Variants in PDE1C observed in about 807,000 individuals in gnomAD.
The protein encoded by PDE1C is phosphodiesterase 1C, also known as dual specificity calcium/calmodulin-dependent 3',5'-cyclic nucleotide phosphodiesterase 1C.
In PDE1C, 62 loss-of-function variants were observed where a neutral mutation model predicts 93.1. That is an observed-to-expected ratio of 0.67 (90% CI 0.54 to 0.82). The LOEUF (loss-of-function observed/expected upper bound fraction) is 0.82, where lower values mean the gene tolerates loss of function less well. PDE1C is among the 40% of genes least tolerant of loss of function. The probability of loss-of-function intolerance (pLI) is 0.00; values close to 1 mark genes in which losing one functional copy is unlikely to be tolerated. For synonymous variants in PDE1C, 325 were observed against 310.1 expected (o/e 1.05, Z -0.50); for missense variants, 742 against 884.6 (o/e 0.84, Z 2.04).
Position 32,358,146 on chromosome 7 carries a change from G to A in PDE1C, c.310+69676C>T, listed in dbSNP as rs117924631. Among the ~76,000 whole-genome samples the A allele has an allele frequency of 1.0e-3, 152 of 152,130 alleles. 4 individuals are homozygous for A. In the East Asian group the frequency reaches 0.025, roughly 25 times the overall value. ...TCTGTTTTCCTCCTCCCCTTCCCAC[G>A]CAGTGTCTGTCAAAATCTGTTCATT... On this transcript the variant is annotated intron_variant, in intron 1 of 1. Transcript: ENST00000672256.
At chr7:31,843,028 T>C (rs1240248191) in intron 9 of PDE1C, among the ~76,000 whole-genome samples, 2 of 152,014 alleles carry the variant, frequency 1.3e-5, no homozygotes, top group Admixed American at 6.6e-5. Context: ...TTTTCAAATA[T>C]ACAGGATTTT....
chr7:31,889,237 T>C (rs922777908), intron 2 of PDE1C, among the ~76,000 whole-genome samples: 3 of 152,252 alleles, frequency 2.0e-5, no homozygotes, highest in Admixed American at 6.5e-5. Flanking sequence ...TCAAGACTTA[T>C]TATAAAGCAT....
At chr7:32,134,665 AC>A (rs1448354632) in intron 3 of PDE1C, among the ~76,000 whole-genome samples, 19 of 152,182 alleles carry the variant, frequency 1.2e-4, no homozygotes, top group Non-Finnish European at 8.8e-5. Context: ...GGAACAGAAA[AC>A]CAAACACCAC....
chr7:31,851,091 C>CACACACAT (rs1793277752), intron 7 of PDE1C, among the ~76,000 whole-genome samples: 2 of 10,856 alleles, frequency 1.8e-4, no homozygotes, highest in Non-Finnish European at 6.1e-4. Flanking sequence ...CACACACACA[C>CACACACAT]ACACACACAT....
At chr7:31,697,095 G>A in the PDE1C span, 2 of 1,613,974 alleles carry the variant, frequency 1.2e-6, no homozygotes, top group African/African-American at 1.3e-5. Context: ...CACCTGCCCT[G>A]CACATGTCCC....
intron 2 of PDE1C, among the ~76,000 whole-genome samples, chr7:31,898,826 G>T (rs537957926): frequency 3.3e-5 from 5 of 152,198 alleles, no homozygotes; most frequent in African/African-American, 9.6e-5. Context: ...AAATATATGT[G>T]CAAAAATGTT....
chr7:32,421,759 C>A (rs111672992), intron 1 of PDE1C, among the ~76,000 whole-genome samples: 1 of 152,096 alleles, frequency 6.6e-6, no homozygotes, highest in Admixed American at 6.5e-5. Flanking sequence ...AGCCATCTGC[C>A]CCATCTACCT....
chr7:32,336,410 G>T (rs215656), intron 1 of PDE1C, among the ~76,000 whole-genome samples: 145,169 of 152,250 alleles, frequency 0.95, 69,398 homozygotes, highest in East Asian at 1. Context: ...TTTACCGCAT[G>T]TTGCCCTTAT....
chr7:31,801,398 T>G (rs1317115515), intron 16 of PDE1C, among the ~76,000 whole-genome samples: 1 of 151,452 alleles, frequency 6.6e-6, no homozygotes, highest in Non-Finnish European at 1.5e-5. Context: ...CCTTTTGAAT[T>G]TATTGGGACT....
rs116115358 is a variant in PDE1C at position 32,322,442 on chromosome 7, C to A, written c.310+105380G>T. Among the ~76,000 whole-genome samples, 862 of 152,012 alleles carry A rather than the reference C, an allele frequency of 5.7e-3. 9 individuals are homozygous for A. Among genetic ancestry groups the A allele is most frequent in the African/African-American group, 0.019 (807 of 41,448 alleles). On this transcript the variant is annotated intron_variant, in intron 1 of 1. Transcript: ENST00000672256. ...CACAGAAAGACGCCATCTCTACACA[C>A]GTAAAAAAGAAGTTAGCCAGGCCTG...
In PDE1C at chr7:31,987,976, T is replaced by C. The variant is rs375187755; in HGVS notation, c.128+63578A>G. Among the ~76,000 whole-genome samples the C allele has an allele frequency of 2.0e-4, 30 of 152,322 alleles. 3 individuals carry two copies. The highest frequency in any genetic ancestry group is 4.6e-4 in the African/African-American group (19 of 41,570). On this transcript the variant is annotated intron_variant, in intron 2 of 17. Transcript: ENST00000396191. ...CTGGCTCTCTGGCCCTCTGGCTTCCTGTTGAGTTTCTGTTGGAGGCATCAG... is the reference window on the plus strand; with the variant it reads ...CTGGCTCTCTGGCCCTCTGGCTTCCCGTTGAGTTTCTGTTGGAGGCATCAG...
chr7:32,167,248 T>C (rs1295244733), intron 3 of PDE1C, among the ~76,000 whole-genome samples: 1 of 152,198 alleles, frequency 6.6e-6, no homozygotes, highest in Non-Finnish European at 1.5e-5. Context: ...ATTAAACAAG[T>C]GCACACATTT....
At chr7:32,213,276 G>A (rs1806183710) in intron 1 of PDE1C, among the ~76,000 whole-genome samples, 1 of 152,016 alleles carries the variant, frequency 6.6e-6, no homozygotes, top group Non-Finnish European at 1.5e-5. Flanking sequence ...CAAATTACTG[G>A]GGCGATTGGA....
intron 2 of PDE1C, among the ~76,000 whole-genome samples, chr7:31,966,459 C>A (rs1450838445): frequency 6.6e-6 from 1 of 152,178 alleles, no homozygotes; most frequent in Non-Finnish European, 1.5e-5. Flanking sequence ...ATTCATAAAG[C>A]AAGTCCTTAG....
chr7:32,180,614 T>C (rs1025688683), intron 2 of PDE1C, among the ~76,000 whole-genome samples: 2 of 152,342 alleles, frequency 1.3e-5, no homozygotes, highest in South Asian at 4.1e-4. Context: ...GCCAGCACCT[T>C]GATCTTGGAT....
chr7:32,356,909 T>G (rs973438521), intron 1 of PDE1C, among the ~76,000 whole-genome samples: 2 of 152,116 alleles, frequency 1.3e-5, no homozygotes, highest in African/African-American at 2.4e-5. Flanking sequence ...ACAGTGCATG[T>G]GCACCAGATG....
intron 1 of PDE1C, among the ~76,000 whole-genome samples, chr7:32,369,215 T>A (rs75424127): frequency 0.032 from 4,850 of 152,102 alleles, 118 homozygotes; most frequent in Non-Finnish European, 0.052. Context: ...ACCTACAGAA[T>A]GGAAAAAAAT....
At chr7:32,162,013 C>G (rs1294530026) in intron 3 of PDE1C, among the ~76,000 whole-genome samples, 1 of 152,114 alleles carries the variant, frequency 6.6e-6, no homozygotes, top group Admixed American at 6.5e-5. Flanking sequence ...TAGAGACAAG[C>G]CCACTGGCTA....
intron 1 of PDE1C, among the ~76,000 whole-genome samples, chr7:32,426,263 C>T (rs1785529352): frequency 1.4e-5 from 2 of 139,830 alleles, no homozygotes; most frequent in Non-Finnish European, 3.0e-5. Flanking sequence ...AATGGTGTAA[C>T]TATATTTGTA....
Sources: allele counts gnomAD v4.1 joint callset (sites outside exome capture counted in the v4.1 genomes callset), GRCh38; gene constraint gnomAD v4.1.1; transcripts MANE v1.5; gene names NCBI Gene and HGNC (gene_info 2026-07-23, HGNC 2026-07-21).